EML6: variants seen among roughly 807,000 people sequenced by gnomAD.
EML6 encodes echinoderm microtubule-associated protein-like 6.
EML6 carries 154 observed loss-of-function variants against 240.1 expected under a neutral mutation model. That is an observed-to-expected ratio of 0.64 (90% CI 0.56 to 0.73). The LOEUF (loss-of-function observed/expected upper bound fraction) is 0.73. Ranked by LOEUF, EML6 falls within the 30% of genes least tolerant of loss-of-function variation. The pLI is 0.00. For missense variants in EML6, 2,964 were observed against 2,474.6 expected, an observed-to-expected ratio of 1.20 and a Z score of -4.20; for synonymous variants, 1,148 against 899.0, an observed-to-expected ratio of 1.28 and a Z score of -4.95.
chr2:54,771,892 A>G (rs1262357172), intron 2 of EML6, among the ~76,000 whole-genome samples: 1 of 152,242 alleles, frequency 6.6e-6, no homozygotes, highest in African/African-American at 2.4e-5. Flanking sequence ...AAATTGAATT[A>G]ATTTCAGATT....
At chr2:54,767,489 A>G (rs1480411544) in intron 2 of EML6, among the ~76,000 whole-genome samples, 1 of 151,960 alleles carries the variant, frequency 6.6e-6, no homozygotes, top group African/African-American at 2.4e-5. Flanking sequence ...TTCACCTCAA[A>G]TATCTATTTT....
At chr2:54,963,128 C>T (rs931865958) in intron 36 of EML6, among the ~76,000 whole-genome samples, 4 of 5,782 alleles carry the variant, frequency 6.9e-4, no homozygotes, top group Non-Finnish European at 1.1e-3. Context: ...CTGGGCGGAG[C>T]GGGGTGGGTG....
chr2:54,877,879 T>G (rs1671594203), intron 16 of EML6, among the ~76,000 whole-genome samples: 1 of 152,238 alleles, frequency 6.6e-6, no homozygotes, highest in African/African-American at 2.4e-5. Flanking sequence ...ACTTTTTCTT[T>G]CTCTGACTCT....
chr2:54,773,271 G>C (rs562331654), intron 2 of EML6, among the ~76,000 whole-genome samples: 2 of 152,356 alleles, frequency 1.3e-5, no homozygotes, highest in African/African-American at 4.8e-5. Context: ...AGACTAGAAG[G>C]CTCCACTGAG....
intron 26 of EML6, among the ~76,000 whole-genome samples, chr2:54,927,627 G>A (rs1293384091): frequency 6.6e-6 from 1 of 152,196 alleles, no homozygotes. Flanking sequence ...GCCCTGGCAT[G>A]AGCAGCTGAC....
At chr2:54,797,598 A>G (rs1361843388) in intron 2 of EML6, among the ~76,000 whole-genome samples, 1 of 148,240 alleles carries the variant, frequency 6.7e-6, no homozygotes, top group Non-Finnish European at 1.5e-5. Flanking sequence ...CATTATGCCT[A>G]ACAACATGTA....
In EML6 at chr2:54,768,259, A is replaced by C. The variant is rs570384150; in HGVS notation, c.197+43001A>C. Among the ~76,000 whole-genome samples the C allele has an allele frequency of 1.1e-4, 16 of 152,098 alleles. No individual in the cohort carries two copies. In the South Asian group the frequency reaches 2.9e-3, roughly 28 times the overall value. The stretch of plus-strand genomic sequence containing the variant: ...TCTCAGGGATGCCATTCCTTTATGT[A>C]CTTACTTTTTAGTTAAAAGGATTCA... On this transcript the variant is annotated intron_variant, in intron 2 of 41. Transcript: ENST00000356458.
At position 54,725,844 on chromosome 2, in the gene EML6, C is replaced by A. The variant is rs1682884972; in HGVS notation, c.197+586C>A. 6.6e-6 allele frequency among the ~76,000 whole-genome samples: 1 copy of A among 152,114 alleles called. No homozygotes were observed. Among genetic ancestry groups the A allele is most frequent in the African/African-American group, 2.4e-5 (1 of 41,398 alleles). On this transcript the variant is annotated intron_variant, in intron 2 of 41. Coordinates refer to ENST00000356458, the MANE Select transcript of EML6 (RefSeq NM_001039753.4). The surrounding 1 kb of genome is among the most constrained non-coding windows in gnomAD (Gnocchi z 4.3). Reference sequence around the variant, plus strand: ...TATTTATACACTAAATGGATGCTTCCACAGCATCATTGAGGTTATTAAAGG... The same window carrying A: ...TATTTATACACTAAATGGATGCTTCAACAGCATCATTGAGGTTATTAAAGG...
At chr2:54,913,169 A>G (rs1273064295) in intron 25 of EML6, among the ~76,000 whole-genome samples, 3 of 148,492 alleles carry the variant, frequency 2.0e-5, no homozygotes. Context: ...ATGATTGGTG[A>G]TAAACATTTT....
At chr2:54,796,112 TAAAG>T (rs766837905) in intron 2 of EML6, among the ~76,000 whole-genome samples, 50 of 152,082 alleles carry the variant, frequency 3.3e-4, no homozygotes, top group Non-Finnish European at 5.7e-4. Context: ...TGAAGGGAAA[TAAAG>T]GCAAGTATGA....
intron 2 of EML6, among the ~76,000 whole-genome samples, chr2:54,727,786 A>G (rs1186262731): frequency 6.6e-6 from 1 of 152,234 alleles, no homozygotes; most frequent in African/African-American, 2.4e-5. Context: ...ATTCATATGC[A>G]TACATCTATA....
chr2:54,953,224 T>C (rs1267541960), intron 31 of EML6, among the ~76,000 whole-genome samples: 1 of 152,224 alleles, frequency 6.6e-6, no homozygotes, highest in Non-Finnish European at 1.5e-5. Context: ...TGCTTCACTG[T>C]TGGAAACGTG....
intron 3 of EML6, among the ~76,000 whole-genome samples, chr2:54,816,226 G>T (rs1334596324): frequency 6.6e-6 from 1 of 152,132 alleles, no homozygotes; most frequent in African/African-American, 2.4e-5. Flanking sequence ...TTAAGGACAG[G>T]TTCTGACCTG....
chr2:54,815,500 C>G (rs1572942622), intron 3 of EML6, among the ~76,000 whole-genome samples: 1 of 152,268 alleles, frequency 6.6e-6, no homozygotes, highest in South Asian at 2.1e-4. Flanking sequence ...AGCTTTTTCT[C>G]CATCAGGAAA....
At chr2:54,868,962 G>C in intron 14 of EML6, 1 of 465,918 alleles carries the variant, frequency 2.1e-6, no homozygotes, top group Non-Finnish European at 3.8e-6. Flanking sequence ...TCTGCTAACA[G>C]ATTCTGTTAC....
chr2:54,806,298 C>A (rs1027814212), intron 2 of EML6, among the ~76,000 whole-genome samples: 11 of 152,188 alleles, frequency 7.2e-5, no homozygotes, highest in Admixed American at 6.5e-4. Flanking sequence ...TCTCTATGTA[C>A]ATGAGTTGCT....
At chr2:54,828,385 G>A (rs1163758166) in intron 6 of EML6, among the ~76,000 whole-genome samples, 1 of 152,142 alleles carries the variant, frequency 6.6e-6, no homozygotes, top group Non-Finnish European at 1.5e-5. Flanking sequence ...CTACATTGTT[G>A]TATCTACAAA....
At chr2:54,871,136 T>C (rs149106128) in intron 15 of EML6, among the ~76,000 whole-genome samples, 219 of 152,218 alleles carry the variant, frequency 1.4e-3, no homozygotes, top group Admixed American at 3.7e-3. Flanking sequence ...GTCATGACAA[T>C]GTACAAGTGA....
chr2:54,939,474 A>C (rs36024305), intron 28 of EML6, among the ~76,000 whole-genome samples: 9,463 of 152,274 alleles, frequency 0.062, 416 homozygotes, highest in South Asian at 0.15. Context: ...ATGGATGAGT[A>C]CTGCTTCCAA....
Sources: allele counts gnomAD v4.1 joint callset (sites outside exome capture counted in the v4.1 genomes callset), GRCh38; gene constraint gnomAD v4.1.1; non-coding constraint Gnocchi (gnomAD v3.1); transcripts MANE v1.5; gene names NCBI Gene and HGNC (gene_info 2026-07-23, HGNC 2026-07-21).